Variants in SYT16 observed in about 807,000 individuals in gnomAD.
SYT16 encodes the protein synaptotagmin 16.
A neutral mutation model predicts 61.4 loss-of-function variants in SYT16; 42 were observed. The observed-to-expected ratio is 0.68, with a 90% CI of 0.53 to 0.89. The LOEUF (loss-of-function observed/expected upper bound fraction) is 0.89. SYT16 is among the 40% of genes least tolerant of loss of function. SYT16 has a pLI of 0.00. For missense variants in SYT16, 804 were observed against 807.3 expected, an observed-to-expected ratio of 1.00 and a Z score of 0.05; for synonymous variants, 314 against 302.3, an observed-to-expected ratio of 1.04 and a Z score of -0.40.
At chr14:62,006,181 TTTTTG>T (rs892804357) in intron 3 of SYT16, among the ~76,000 whole-genome samples, 3 of 124,070 alleles carry the variant, frequency 2.4e-5, no homozygotes, top group African/African-American at 8.3e-5. Flanking sequence ...AAACAGCTGT[TTTTTG>T]TTTTGTTTTG....
Position 61,815,161 on chromosome 14 carries a change from G to C in SYT16, c.-325+2351G>C, listed in dbSNP as rs140210436. 3.7e-3 allele frequency among the ~76,000 whole-genome samples: 559 copies of C among 152,312 alleles called. 3 individuals are homozygous for C. Among genetic ancestry groups the C allele is most frequent in the African/African-American group, 0.012 (515 of 41,570 alleles). Reference sequence around the variant, plus strand: ...ATTCAGTAAGTCTGGGGTGCATCCTGAGAATTCACATTTCTAACAAGTTCC... The same window carrying C: ...ATTCAGTAAGTCTGGGGTGCATCCTCAGAATTCACATTTCTAACAAGTTCC... On this transcript the variant is annotated intron_variant, in intron 1 of 7. Coordinates refer to ENST00000683842, the MANE Select transcript of SYT16 (RefSeq NM_001367656.1).
At chr14:61,952,684 A>G (rs1195959632) in intron 1 of SYT16, among the ~76,000 whole-genome samples, 3 of 152,214 alleles carry the variant, frequency 2.0e-5, no homozygotes, top group Non-Finnish European at 4.4e-5. Context: ...AAGTGTTTTG[A>G]AAAATGATTG....
At chr14:61,967,235 G>C (rs969841821) in intron 1 of SYT16, among the ~76,000 whole-genome samples, 6 of 152,176 alleles carry the variant, frequency 3.9e-5, no homozygotes, top group Non-Finnish European at 7.3e-5. Flanking sequence ...TTTGATGTTG[G>C]AGAATGATGA....
rs56324432 is a variant in SYT16, at chr14:62,092,173, AACACACACACAC to A, written c.1624+7831_1624+7842del. On this transcript the variant is annotated intron_variant, in intron 7 of 7. Coordinates refer to ENST00000683842, the MANE Select transcript of SYT16 (RefSeq NM_001367656.1). ...TCATACCCATTAGGATGGCTACTAT[AACACACACACAC>A]ACACACACACACACACACACACACA... is the stretch of plus-strand genomic sequence containing the variant. Among the ~76,000 whole-genome samples, 1,197 of 131,388 alleles carry A rather than the reference AACACACACACAC, an allele frequency of 9.1e-3. 12 individuals carry two copies. Among genetic ancestry groups the A allele is most frequent in the Middle Eastern group, 0.054 (14 of 258 alleles). 86.2% of individuals were successfully genotyped at this position (131,388 alleles called of 152,430 possible). A position where few individuals can be genotyped will look rare whatever the true frequency, so the allele number is the denominator to read the frequency against.
chr14:62,093,171 TAG>T (rs1477360421), intron 7 of SYT16, among the ~76,000 whole-genome samples: 1 of 152,034 alleles, frequency 6.6e-6, no homozygotes, highest in Admixed American at 6.6e-5. Context: ...GATTTAAAAA[TAG>T]AAGAGAGTAG....
intron 1 of SYT16, among the ~76,000 whole-genome samples, chr14:61,850,480 G>A (rs1395018407): frequency 6.6e-6 from 1 of 151,700 alleles, no homozygotes; most frequent in Non-Finnish European, 1.5e-5. Flanking sequence ...TTTTTCATGT[G>A]GTTTGTTAGC....
intron 1 of SYT16, among the ~76,000 whole-genome samples, chr14:61,922,848 G>A (rs1367407038): frequency 6.6e-6 from 1 of 152,152 alleles, no homozygotes; most frequent in Non-Finnish European, 1.5e-5. Flanking sequence ...AGGAGTTCGA[G>A]ACAAGCCTGG....
rs1218528022 is a variant in SYT16, at chr14:62,108,763, C to T, written c.*8056C>T. The T allele has an allele frequency of 6.6e-6, 1 of 152,022 alleles. No homozygotes were observed. Among genetic ancestry groups the T allele is most frequent in the East Asian group, 1.9e-4 (1 of 5,202 alleles). 9.4% of individuals were successfully genotyped at this position (152,022 alleles called of 1,614,324 possible). A position where few individuals can be genotyped will look rare whatever the true frequency, so the allele number is the denominator to read the frequency against. ...GAATAAGAAATTAGTATTTGTATAC[C>T]TTATTATGACAGAGGTTTCTGTTAC... On this transcript the variant is annotated 3_prime_UTR_variant, in exon 8 of 8. Transcript: ENST00000683842.
At chr14:62,085,899 A>C (rs2056869645) in intron 7 of SYT16, among the ~76,000 whole-genome samples, 2 of 152,192 alleles carry the variant, frequency 1.3e-5, no homozygotes, top group African/African-American at 4.8e-5. Flanking sequence ...ATCTGTCTGG[A>C]TTTACTACTT....
intron 1 of SYT16, among the ~76,000 whole-genome samples, chr14:61,881,680 G>C (rs1485837488): frequency 6.6e-6 from 1 of 152,184 alleles, no homozygotes; most frequent in Non-Finnish European, 1.5e-5. Context: ...GTTTAGTCCA[G>C]TGTTGACAGT....
intron 1 of SYT16, among the ~76,000 whole-genome samples, chr14:61,839,806 G>C (rs1410696549): frequency 1.3e-5 from 2 of 151,934 alleles, no homozygotes; most frequent in African/African-American, 2.4e-5. Context: ...AGGGAAATGT[G>C]CCAGTTCCTC....
intron 1 of SYT16, among the ~76,000 whole-genome samples, chr14:61,951,497 C>CTCCA: frequency 6.6e-6 from 1 of 152,262 alleles, no homozygotes; most frequent in Non-Finnish European, 1.5e-5. Flanking sequence ...AATAAAGTTA[C>CTCCA]AAACAAATCA....
intron 2 of SYT16, among the ~76,000 whole-genome samples, chr14:61,971,914 G>A (rs1218351839): frequency 6.6e-6 from 1 of 152,228 alleles, no homozygotes; most frequent in African/African-American, 2.4e-5. Context: ...TGGGGCATAG[G>A]TGAGTGAGAC....
At chr14:61,992,643 T>C (rs2052599106) in intron 2 of SYT16, among the ~76,000 whole-genome samples, 3 of 152,138 alleles carry the variant, frequency 2.0e-5, no homozygotes, top group South Asian at 2.1e-4. Flanking sequence ...ATTATTATTA[T>C]TGTTTTTTTG....
chr14:62,045,914 C>T (rs910168921), intron 3 of SYT16, among the ~76,000 whole-genome samples: 39 of 152,286 alleles, frequency 2.6e-4, no homozygotes, highest in South Asian at 8.3e-4. Context: ...AATAAACATA[C>T]GTGTGCCTGT....
chr14:62,049,202 G>T (rs2055150436), intron 3 of SYT16, among the ~76,000 whole-genome samples: 1 of 152,180 alleles, frequency 6.6e-6, no homozygotes, highest in Admixed American at 6.5e-5. Flanking sequence ...AGCTCTTCTT[G>T]TTGAATTGAT....
At chr14:61,984,227 G>C (rs754106927) in intron 2 of SYT16, among the ~76,000 whole-genome samples, 4 of 152,092 alleles carry the variant, frequency 2.6e-5, no homozygotes, top group Admixed American at 1.3e-4. Context: ...GTCTATGTTG[G>C]AAAGATGTCA....
intron 1 of SYT16, among the ~76,000 whole-genome samples, chr14:61,945,479 C>G (rs1001324101): frequency 1.3e-5 from 2 of 152,188 alleles, no homozygotes; most frequent in Admixed American, 6.5e-5. Flanking sequence ...AGACTTGGAA[C>G]TAACTCAAAT....
intron 3 of SYT16, among the ~76,000 whole-genome samples, chr14:62,058,132 A>G (rs1438581246): frequency 2.0e-5 from 3 of 151,996 alleles, no homozygotes; most frequent in Non-Finnish European, 2.9e-5. Context: ...TTTCTGAGTA[A>G]TATTTCATTG....
Sources: allele counts gnomAD v4.1 joint callset (sites outside exome capture counted in the v4.1 genomes callset), GRCh38; gene constraint gnomAD v4.1.1; transcripts MANE v1.5; gene names NCBI Gene and HGNC (gene_info 2026-07-23, HGNC 2026-07-21).